Variants in L2HGDH observed in about 807,000 individuals in gnomAD.
The protein encoded by L2HGDH is L-2-hydroxyglutarate dehydrogenase, mitochondrial.
L2HGDH carries 34 observed loss-of-function variants against 51.5 expected under a neutral mutation model. That is an observed-to-expected ratio of 0.66 (90% CI 0.50 to 0.88). The LOEUF (loss-of-function observed/expected upper bound fraction) is 0.88. L2HGDH is among the 40% of genes least tolerant of loss of function. The pLI, the probability that L2HGDH is intolerant of heterozygous loss-of-function variation, is 0.00. For missense variants in L2HGDH, 558 were observed against 571.9 expected (o/e 0.98, Z 0.25); for synonymous variants, 198 against 197.9 (o/e 1.00, Z -0.01).
chr14:50,278,350 G>A (rs1296079541), intron 6 of L2HGDH, among the ~76,000 whole-genome samples, 170 bp downstream of exon 6: 1 of 152,134 alleles, frequency 6.6e-6, no homozygotes, highest in Non-Finnish European at 1.5e-5. Context: ...TTCCCAAGTT[G>A]AAACCCTCCT....
chr14:50,312,077 C>CCAGGG lies in L2HGDH; in HGVS notation c.69_73dup (p.Gly25AlafsTer29). On this transcript the variant is annotated frameshift_variant, in exon 1 of 10. Coordinates refer to ENST00000267436, the MANE Select transcript of L2HGDH (RefSeq NM_024884.3). LOFTEE classifies it high-confidence loss of function. ...CCTCCCAGACGCGAACCCGCACGCC[C>CCAGGG]CAGGGGAGCCACCGGCGAAAAGCCC... 6.2e-7 allele frequency: 1 copy of CCAGGG among 1,603,576 alleles called. No individual in the cohort carries two copies. The highest frequency in any genetic ancestry group is 8.5e-7 in the Non-Finnish European group (1 of 1,176,294).
rs767234478 is a variant in L2HGDH at position 50,245,297 on chromosome 14, T to C, written c.*1761A>G. 1.3e-5 allele frequency: 13 copies of C among 984,568 alleles called. No individual in the cohort carries two copies. The highest frequency in any genetic ancestry group is 1.7e-5 in the African/African-American group (1 of 57,162). 61.0% of individuals were successfully genotyped at this position (984,568 alleles called of 1,614,324 possible). A position where few individuals can be genotyped will look rare whatever the true frequency, so the allele number is the denominator to read the frequency against. ...GATAAATAACTTTTTTAAATTGGAG[T>C]TCTATACATCAGTGTCAGGATTCTA... is the stretch of plus-strand genomic sequence containing the variant. On this transcript the variant is annotated 3_prime_UTR_variant, in exon 10 of 10. Coordinates refer to ENST00000267436, the MANE Select transcript of L2HGDH (RefSeq NM_024884.3).
chr14:50,288,487 A>G (rs541319279), intron 4 of L2HGDH, among the ~76,000 whole-genome samples: 22 of 152,252 alleles, frequency 1.4e-4, no homozygotes, highest in Middle Eastern at 6.8e-3. Context: ...TTGGAGTCCA[A>G]TGGCGCGATC....
chr14:50,299,866 T>C (rs1026367182), intron 3 of L2HGDH: 18 of 154,216 alleles, frequency 1.2e-4, no homozygotes, highest in African/African-American at 4.1e-4. Flanking sequence ...TAAGATAATA[T>C]CCTCCATGTT....
intron 1 of L2HGDH, among the ~76,000 whole-genome samples, chr14:50,305,364 A>G (rs1400367277): frequency 6.6e-6 from 1 of 152,246 alleles, no homozygotes. Context: ...GGTCCACTAC[A>G]TTAATACTAG....
chr14:50,249,220 T>G (rs1181390297), intron 9 of L2HGDH, among the ~76,000 whole-genome samples: 1 of 152,060 alleles, frequency 6.6e-6, no homozygotes. Flanking sequence ...CTAGATAAAC[T>G]TGAAATACAG....
At chr14:50,278,292 T>C (rs920548509) in intron 6 of L2HGDH, among the ~76,000 whole-genome samples, 1 of 152,220 alleles carries the variant, frequency 6.6e-6, no homozygotes, top group Non-Finnish European at 1.5e-5. Context: ...AAACACTCCA[T>C]ATGCTTATAA....
At chr14:50,287,396 C>T in intron 4 of L2HGDH, 1 of 670,858 alleles carries the variant, frequency 1.5e-6, no homozygotes, top group Non-Finnish European at 1.8e-6. Flanking sequence ...ATTAGGATAC[C>T]AGTAATCCTG....
intron 3 of L2HGDH, 50 bp from the exon 4 acceptor site, chr14:50,294,296 A>G: frequency 2.5e-6 from 4 of 1,576,738 alleles, no homozygotes; most frequent in Non-Finnish European, 3.5e-6. Flanking sequence ...ATGTATCATC[A>G]GCGATGAAAG....
chr14:50,286,674 C>T (rs962121505), intron 4 of L2HGDH, among the ~76,000 whole-genome samples: 1 of 152,174 alleles, frequency 6.6e-6, no homozygotes, highest in South Asian at 2.1e-4. Context: ...ATATGAAACA[C>T]TAATGATTAC....
intron 9 of L2HGDH, among the ~76,000 whole-genome samples, chr14:50,247,748 G>A (rs1257493843): frequency 6.6e-6 from 1 of 152,110 alleles, no homozygotes; most frequent in Non-Finnish European, 1.5e-5. Flanking sequence ...AATTTATGGA[G>A]AGAAATATTT....
intron 9 of L2HGDH, among the ~76,000 whole-genome samples, chr14:50,257,371 T>TA (rs1382665930): frequency 1.4e-5 from 2 of 140,332 alleles, no homozygotes; most frequent in Non-Finnish European, 3.1e-5. Context: ...GTTTTTCCTT[T>TA]AATTTTTTTT....
At chr14:50,291,413 T>G (rs1022387460) in intron 4 of L2HGDH, among the ~76,000 whole-genome samples, 1 of 151,958 alleles carries the variant, frequency 6.6e-6, no homozygotes, top group Admixed American at 6.6e-5. Flanking sequence ...TAATTCACTA[T>G]CTCAGAGAGA....
intron 6 of L2HGDH, among the ~76,000 whole-genome samples, chr14:50,273,342 T>C (rs1414099340): frequency 2.0e-5 from 3 of 152,188 alleles, no homozygotes; most frequent in Non-Finnish European, 4.4e-5. Context: ...CATCATGAAC[T>C]ACATGATTAG....
chr14:50,303,985 G>T (rs563259810), intron 1 of L2HGDH, among the ~76,000 whole-genome samples: 2 of 152,184 alleles, frequency 1.3e-5, no homozygotes, highest in South Asian at 4.1e-4. Context: ...TAACCATAGG[G>T]TTAGGTTCTA....
At chr14:50,291,197 CAAAAAAAAAAAA>C (rs1159640500) in intron 4 of L2HGDH, among the ~76,000 whole-genome samples, 2,695 of 30,720 alleles carry the variant, frequency 0.088, 51 homozygotes, top group Non-Finnish European at 0.13. Flanking sequence ...GACTCCGTCT[CAAAAAAAAAAAA>C]AAAAAAAAAA....
Position 50,243,417 on chromosome 14 carries a change from T to G in L2HGDH, c.*3641A>C. Reference sequence around the variant, plus strand: ...AAGCAAACAGTTTATGTTTTACACATAAAAAAATTTATTTGCATAAAAGTT... The same window carrying G: ...AAGCAAACAGTTTATGTTTTACACAGAAAAAAATTTATTTGCATAAAAGTT... On this transcript the variant is annotated 3_prime_UTR_variant, in exon 10 of 10. Coordinates refer to ENST00000267436, the MANE Select transcript of L2HGDH (RefSeq NM_024884.3). 1 of 970,042 alleles carries G rather than the reference T, an allele frequency of 1.0e-6. No individual in the cohort carries two copies. The highest frequency in any genetic ancestry group is 4.8e-5 in the South Asian group (1 of 20,940). 60.1% of individuals were successfully genotyped at this position (970,042 alleles called of 1,614,324 possible). A position where few individuals can be genotyped will look rare whatever the true frequency, so the allele number is the denominator to read the frequency against.
intron 4 of L2HGDH, among the ~76,000 whole-genome samples, chr14:50,292,907 T>C (rs1369274655): frequency 1.3e-5 from 2 of 151,466 alleles, no homozygotes; most frequent in African/African-American, 4.9e-5. Context: ...AAAACTACTA[T>C]AGTCCAAGCT....
intron 2 of L2HGDH, 48 bp from the exon 3 acceptor site, chr14:50,302,216 A>C (rs1459278781): frequency 6.3e-7 from 1 of 1,591,274 alleles, no homozygotes; most frequent in South Asian, 1.1e-5. Context: ...GATTCATACA[A>C]AACATAAGAG....
Sources: allele counts gnomAD v4.1 joint callset (sites outside exome capture counted in the v4.1 genomes callset), GRCh38; gene constraint gnomAD v4.1.1; transcripts MANE v1.5; gene names NCBI Gene and HGNC (gene_info 2026-07-23, HGNC 2026-07-21).